The following UBE2E2 variants were observed in gnomAD, a reference collection of about 807,000 sequenced individuals.
The protein encoded by UBE2E2 is ubiquitin-conjugating enzyme E2 E2.
A neutral mutation model predicts 24.7 loss-of-function variants in UBE2E2; 6 were observed. The ratio of observed to expected loss-of-function variants is 0.24; its 90% CI spans 0.13 to 0.48. The LOEUF (loss-of-function observed/expected upper bound fraction) is 0.48, where lower values mean the gene tolerates loss of function less well. Ranked by LOEUF, UBE2E2 falls within the 20% of genes least tolerant of loss-of-function variation. The pLI is 0.99. For synonymous variants in UBE2E2, 104 were observed against 83.6 expected, an observed-to-expected ratio of 1.24 and a Z score of -1.33; for missense variants, 169 against 245.0, an observed-to-expected ratio of 0.69 and a Z score of 2.07.
rs139935542 is a variant in UBE2E2, at chr3:23,514,587, TTTA to T, written c.360+14865_360+14867del. 5.3e-5 allele frequency among the ~76,000 whole-genome samples: 8 copies of T among 151,862 alleles called. No individual in the cohort carries two copies. In the East Asian group the frequency reaches 1.2e-3, roughly 22 times the overall value. ...CAGTAAACCCAGTAGAAAGTAATAT[TTTA>T]TTATTATTATTATTATTTATTTTTG... On this transcript the variant is annotated intron_variant, in intron 4 of 5. Transcript: ENST00000396703.
At chr3:23,520,225 T>C (rs1694832212) in intron 4 of UBE2E2, among the ~76,000 whole-genome samples, 1 of 152,230 alleles carries the variant, frequency 6.6e-6, no homozygotes, top group African/African-American at 2.4e-5. Flanking sequence ...GACTTTACTG[T>C]GAGGATTTGA....
chr3:23,445,200 G>A (rs1052425913), intron 3 of UBE2E2, among the ~76,000 whole-genome samples: 59 of 152,202 alleles, frequency 3.9e-4, no homozygotes, highest in African/African-American at 1.4e-3. Context: ...GGCCCAAGTG[G>A]AAGGCTGGCT....
At chr3:23,389,450 C>G (rs1187357966) in intron 3 of UBE2E2, among the ~76,000 whole-genome samples, 2 of 152,196 alleles carry the variant, frequency 1.3e-5, no homozygotes, top group Admixed American at 6.5e-5. Flanking sequence ...TCTTCCCTCC[C>G]AAGACATCTC....
rs114162649 is a variant in UBE2E2 at position 23,332,174 on chromosome 3, G to A, written c.227+114862G>A. Among the ~76,000 whole-genome samples, 378 of 152,180 alleles carry A rather than the reference G, an allele frequency of 2.5e-3. 2 individuals carry two copies. The highest frequency in any genetic ancestry group is 8.6e-3 in the African/African-American group (359 of 41,532). ...CACTTTTTTTTCTTTTTGAGATGGG[G>A]TTTCGGTCGCCCAGGCAAGAGTACA... On this transcript the variant is annotated intron_variant, in intron 3 of 5. Transcript: ENST00000396703.
At chr3:23,567,494 G>A (rs929779480) in intron 5 of UBE2E2, among the ~76,000 whole-genome samples, 4 of 152,148 alleles carry the variant, frequency 2.6e-5, no homozygotes, top group African/African-American at 9.7e-5. Flanking sequence ...AGGTCATGGG[G>A]AATCTGGAAG....
intron 3 of UBE2E2, among the ~76,000 whole-genome samples, chr3:23,481,204 T>A (rs1486287605): frequency 6.6e-6 from 1 of 152,246 alleles, no homozygotes; most frequent in Non-Finnish European, 1.5e-5. Context: ...GACTGTTGGT[T>A]GTCTATAATA....
At chr3:23,269,346 A>C (rs1698167889) in intron 3 of UBE2E2, among the ~76,000 whole-genome samples, 1 of 152,196 alleles carries the variant, frequency 6.6e-6, no homozygotes, top group Non-Finnish European at 1.5e-5. Context: ...GAACTCAAAA[A>C]ATTTACAAGA....
chr3:23,207,962 A>T (rs1342256530), intron 1 of UBE2E2, among the ~76,000 whole-genome samples: 3 of 152,136 alleles, frequency 2.0e-5, no homozygotes, highest in African/African-American at 7.2e-5. Context: ...ACAGGGAAGC[A>T]TCATACCCAT....
intron 2 of UBE2E2, among the ~76,000 whole-genome samples, chr3:23,213,423 A>T (rs910536604): frequency 6.6e-6 from 1 of 151,948 alleles, no homozygotes; most frequent in Non-Finnish European, 1.5e-5. Context: ...TTTTTTTTAA[A>T]GCAAATAACA....
chr3:23,287,885 C>G (rs1190481283), intron 3 of UBE2E2, among the ~76,000 whole-genome samples: 1 of 151,314 alleles, frequency 6.6e-6, no homozygotes, highest in Non-Finnish European at 1.5e-5. Flanking sequence ...TAAAAACACA[C>G]AGTTTTGTTG....
chr3:23,372,487 A>G (rs1696422846), intron 3 of UBE2E2, among the ~76,000 whole-genome samples: 2 of 152,134 alleles, frequency 1.3e-5, no homozygotes, highest in African/African-American at 4.8e-5. Flanking sequence ...GGTTAGCAGC[A>G]CTCAATTTAA....
chr3:23,243,631 A>G (rs1363486037), intron 3 of UBE2E2, among the ~76,000 whole-genome samples: 5 of 152,230 alleles, frequency 3.3e-5, no homozygotes, highest in African/African-American at 4.8e-5. Context: ...CTGTTCAGCC[A>G]TAATCATTTT....
chr3:23,291,770 T>TCCC (rs1046600197), intron 3 of UBE2E2, among the ~76,000 whole-genome samples: 2 of 139,340 alleles, frequency 1.4e-5, no homozygotes, highest in African/African-American at 5.4e-5. Context: ...GCAACCTCCG[T>TCCC]CCCCTGGGTT....
chr3:23,528,536 C>T (rs747134940), intron 4 of UBE2E2, among the ~76,000 whole-genome samples: 17 of 152,002 alleles, frequency 1.1e-4, no homozygotes, highest in East Asian at 1.9e-4. Context: ...CTTAAGTCTC[C>T]GCCTTTTTAC....
intron 3 of UBE2E2, among the ~76,000 whole-genome samples, chr3:23,484,342 C>T (rs1364417613): frequency 2.0e-5 from 3 of 152,180 alleles, no homozygotes. Flanking sequence ...TATACTTATC[C>T]TGAGAGAACC....
At chr3:23,278,666 CT>C (rs758519746) in intron 3 of UBE2E2, among the ~76,000 whole-genome samples, 8 of 152,074 alleles carry the variant, frequency 5.3e-5, no homozygotes, top group Non-Finnish European at 1.2e-4. Context: ...TAAATGTATG[CT>C]TCCTAAATGT....
At chr3:23,348,973 T>C (rs1444683614) in intron 3 of UBE2E2, among the ~76,000 whole-genome samples, 1 of 152,106 alleles carries the variant, frequency 6.6e-6, no homozygotes, top group African/African-American at 2.4e-5. Flanking sequence ...ACCAAGAGTT[T>C]TGACTATCCC....
At chr3:23,444,052 C>T in intron 3 of UBE2E2, among the ~76,000 whole-genome samples, 1 of 146,764 alleles carries the variant, frequency 6.8e-6, no homozygotes, top group African/African-American at 2.6e-5. Flanking sequence ...TTTAGGTTTT[C>T]TTCACCAGTT....
chr3:23,313,033 T>C (rs1193315021), intron 3 of UBE2E2, among the ~76,000 whole-genome samples: 1 of 152,178 alleles, frequency 6.6e-6, no homozygotes, highest in East Asian at 1.9e-4. Flanking sequence ...TTCTTGAGAA[T>C]GATTCATGTG....
Sources: gnomAD v4.1 joint callset for allele counts (sites outside exome capture counted in the v4.1 genomes callset) on GRCh38, gnomAD v4.1.1 for gene constraint, MANE v1.5 for transcripts, NCBI Gene and HGNC (gene_info 2026-07-23, HGNC 2026-07-21) for gene names.